Variants in RAPGEF4 observed in about 807,000 individuals in gnomAD.
RAPGEF4 encodes the protein RAP guanine-nucleotide-exchange factor (GEF) 4.
RAPGEF4 carries 66 observed loss-of-function variants against 147.9 expected under a neutral mutation model. That is an observed-to-expected ratio of 0.45 (90% CI 0.37 to 0.55). The LOEUF is 0.55. RAPGEF4 is among the 20% of genes least tolerant of loss of function. RAPGEF4 has a pLI of 0.00. For missense variants in RAPGEF4, 1,071 were observed against 1,257.3 expected (o/e 0.85, Z 2.24); for synonymous variants, 419 against 442.7 (o/e 0.95, Z 0.67).
intron 6 of RAPGEF4, among the ~76,000 whole-genome samples, chr2:172,937,041 A>AAAAG (rs1686656269): frequency 6.8e-6 from 1 of 147,374 alleles, no homozygotes; most frequent in Non-Finnish European, 1.5e-5. Flanking sequence ...TCTCTGCAAA[A>AAAAG]AAAAAAAAAA....
chr2:172,791,620 C>T (rs1163497299), intron 1 of RAPGEF4, among the ~76,000 whole-genome samples: 1 of 152,124 alleles, frequency 6.6e-6, no homozygotes, highest in Non-Finnish European at 1.5e-5. Context: ...GTTTCTGAGG[C>T]TTAAATATTA....
intron 1 of RAPGEF4, among the ~76,000 whole-genome samples, chr2:172,790,250 T>C (rs576077411): frequency 6.6e-6 from 1 of 152,330 alleles, no homozygotes; most frequent in East Asian, 1.9e-4. Context: ...TATGTCTTCT[T>C]TGGAGAAATG....
rs1237066717 is a variant in RAPGEF4, at chr2:172,860,331, A to C, written c.444+45906A>C. 1.0e-5 allele frequency: 10 copies of C among 985,332 alleles called. No individual in the cohort carries two copies. The African/African-American group carries it at 1.4e-4, about 14-fold the overall frequency. The allele number at this position is 985,332 out of a possible 1,614,324, so 61.0% of individuals were successfully genotyped here. ...TTCAGCTTGTTTTATCCATGTATTTAGCAGTGTGTTCACATATACAGGGAG... is the reference window on the plus strand; with the variant it reads ...TTCAGCTTGTTTTATCCATGTATTTCGCAGTGTGTTCACATATACAGGGAG... On this transcript the variant is annotated intron_variant, in intron 4 of 30. Transcript: ENST00000397081.
chr2:172,794,347 C>CAAAAAAAAAAAAAAA (rs59850502), intron 1 of RAPGEF4, among the ~76,000 whole-genome samples: 13 of 101,886 alleles, frequency 1.3e-4, no homozygotes, highest in East Asian at 2.6e-4. Flanking sequence ...AACTCCATCT[C>CAAAAAAAAAAAAAAA]AAAAAAAAAA....
chr2:172,925,890 G>T (rs1418754952), intron 6 of RAPGEF4, among the ~76,000 whole-genome samples: 1 of 139,766 alleles, frequency 7.2e-6, no homozygotes, highest in East Asian at 2.4e-4. Flanking sequence ...GAAAAGAAAG[G>T]AAAGAAAGAA....
intron 4 of RAPGEF4, among the ~76,000 whole-genome samples, chr2:172,825,853 G>C (rs981739103): frequency 6.6e-6 from 1 of 152,120 alleles, no homozygotes; most frequent in Admixed American, 6.5e-5. Flanking sequence ...GTAATAATGT[G>C]TTTTACCCAA....
chr2:172,957,140 G>A (rs1688827710), intron 6 of RAPGEF4, among the ~76,000 whole-genome samples: 1 of 152,184 alleles, frequency 6.6e-6, no homozygotes, highest in African/African-American at 2.4e-5. Context: ...TAAACAATGG[G>A]AGTCAGAATA....
chr2:172,926,320 A>G (rs1685355122), intron 6 of RAPGEF4, among the ~76,000 whole-genome samples: 1 of 152,206 alleles, frequency 6.6e-6, no homozygotes, highest in Non-Finnish European at 1.5e-5. Flanking sequence ...CTTTGGAATA[A>G]TGACCCTGTC....
chr2:172,933,989 C>CT (rs1686256107), intron 6 of RAPGEF4, among the ~76,000 whole-genome samples: 1 of 152,036 alleles, frequency 6.6e-6, no homozygotes, highest in South Asian at 2.1e-4. Context: ...TTTAATCATT[C>CT]TTTTTACAGT....
At chr2:172,909,227 G>T (rs890609209) in intron 4 of RAPGEF4, among the ~76,000 whole-genome samples, 2 of 152,156 alleles carry the variant, frequency 1.3e-5, no homozygotes, top group Non-Finnish European at 2.9e-5. Flanking sequence ...ACAAAAGCCT[G>T]AGCCCTCCCA....
intron 17 of RAPGEF4, among the ~76,000 whole-genome samples, chr2:173,010,499 T>C (rs1427232520): frequency 2.0e-5 from 3 of 152,362 alleles, no homozygotes; most frequent in African/African-American, 7.2e-5. Flanking sequence ...ACCTTCCTGA[T>C]GTGTCTGAAT....
intron 1 of RAPGEF4, among the ~76,000 whole-genome samples, chr2:172,772,364 G>A (rs1683710599): frequency 6.6e-6 from 1 of 151,270 alleles, no homozygotes; most frequent in African/African-American, 2.4e-5. Context: ...ATTTTATTGA[G>A]ATGGAGTCTT....
chr2:172,942,568 T>TTA (rs1005107953), intron 6 of RAPGEF4, among the ~76,000 whole-genome samples: 13 of 107,848 alleles, frequency 1.2e-4, no homozygotes, highest in South Asian at 2.9e-4. Context: ...TAGAGTCTGG[T>TTA]AAAAAAAAAA....
intron 1 of RAPGEF4, among the ~76,000 whole-genome samples, chr2:172,794,114 G>A (rs1022826873): frequency 6.6e-6 from 1 of 151,390 alleles, no homozygotes; most frequent in Non-Finnish European, 1.5e-5. Flanking sequence ...GTGACAAAGT[G>A]AGCCTATAAT....
chr2:172,971,793 A>G (rs752697079), intron 10 of RAPGEF4, among the ~76,000 whole-genome samples: 1 of 152,062 alleles, frequency 6.6e-6, no homozygotes, highest in Non-Finnish European at 1.5e-5. Flanking sequence ...TGGAGTTACT[A>G]TTTAATTTTA....
At chr2:172,878,897 A>G (rs1305859203) in intron 4 of RAPGEF4, among the ~76,000 whole-genome samples, 1 of 152,250 alleles carries the variant, frequency 6.6e-6, no homozygotes, top group Non-Finnish European at 1.5e-5. Context: ...GATGGAAGTA[A>G]TCAATAAATA....
intron 15 of RAPGEF4, among the ~76,000 whole-genome samples, chr2:172,995,696 G>C (rs1056011145): frequency 2.6e-5 from 4 of 152,160 alleles, no homozygotes; most frequent in Admixed American, 6.5e-5. Flanking sequence ...ACATAGTAGT[G>C]TTTTGTCACT....
At chr2:172,751,776 G>A (rs1695314892) in intron 1 of RAPGEF4, among the ~76,000 whole-genome samples, 1 of 152,190 alleles carries the variant, frequency 6.6e-6, no homozygotes, top group South Asian at 2.1e-4. Flanking sequence ...TGCCTGTGGT[G>A]CAAACACAGG....
chr2:173,016,317 T>G (rs373677432), intron 18 of RAPGEF4, 32 bp from the exon 19 acceptor site: 2 of 1,494,892 alleles, frequency 1.3e-6, no homozygotes, highest in Non-Finnish European at 1.9e-6. Flanking sequence ...TTGCAGTTCT[T>G]GTTAAAAGCC....
Sources: allele counts gnomAD v4.1 joint callset (sites outside exome capture counted in the v4.1 genomes callset), GRCh38; gene constraint gnomAD v4.1.1; transcripts MANE v1.5; gene names NCBI Gene and HGNC (gene_info 2026-07-23, HGNC 2026-07-21).